The following ADGRL2 variants were observed in gnomAD, a reference collection of about 807,000 sequenced individuals.
ADGRL2 encodes calcium-independent alpha-latrotoxin receptor 2.
A neutral mutation model predicts 157.4 loss-of-function variants in ADGRL2; 44 were observed. That is an observed-to-expected ratio of 0.28 (90% CI 0.22 to 0.36). ADGRL2 has a LOEUF of 0.36. Among genes scored for constraint, ADGRL2 ranks in the 10% least tolerant of loss-of-function variants. The pLI is 1.00. For missense variants in ADGRL2, 1,510 were observed against 1,768.9 expected (o/e 0.85, Z 2.63); for synonymous variants, 585 against 624.7 (o/e 0.94, Z 0.95).
intron 4 of ADGRL2, among the ~76,000 whole-genome samples, chr1:81,941,522 C>A (rs866829731): frequency 3.3e-5 from 5 of 151,628 alleles, no homozygotes; most frequent in African/African-American, 1.2e-4. Context: ...TAAATTTGAT[C>A]TAAACTCCAA....
At chr1:81,879,185 C>T (rs1462088974) in intron 2 of ADGRL2, among the ~76,000 whole-genome samples, 1 of 151,948 alleles carries the variant, frequency 6.6e-6, no homozygotes, top group African/African-American at 2.4e-5. Flanking sequence ...AGAAATGCAA[C>T]ATATAAATGA....
In ADGRL2 at chr1:81,308,018, G is replaced by A. The variant is rs76864053; in HGVS notation, c.-302+1509G>A. 3.5e-3 allele frequency among the ~76,000 whole-genome samples: 535 copies of A among 151,960 alleles called. 5 individuals carry two copies. The highest frequency in any genetic ancestry group is 0.012 in the African/African-American group (501 of 41,430). On this transcript the variant is annotated intron_variant, in intron 1 of 24. Transcript: ENST00000370721. ...TTAACAGATAAATATGTTCTGCTTC[G>A]TGGCATTTTAGTGATCCTACTGGTA...
intron 6 of ADGRL2, among the ~76,000 whole-genome samples, chr1:81,947,952 C>T (rs1650412764): frequency 1.3e-5 from 2 of 152,108 alleles, no homozygotes; most frequent in Non-Finnish European, 2.9e-5. Flanking sequence ...GGCACAGTCG[C>T]TCATGCCTGT....
chr1:81,675,956 A>T (rs1044807868), intron 3 of ADGRL2, among the ~76,000 whole-genome samples: 1 of 152,132 alleles, frequency 6.6e-6, no homozygotes, highest in Non-Finnish European at 1.5e-5. Flanking sequence ...GATCAAATTT[A>T]TGGTTTGTTT....
At chr1:81,358,117 G>A (rs1663449234) in intron 1 of ADGRL2, among the ~76,000 whole-genome samples, 1 of 152,036 alleles carries the variant, frequency 6.6e-6, no homozygotes, top group African/African-American at 2.4e-5. Context: ...GTGAAAATTA[G>A]ACCTCTAATT....
chr1:81,410,614 C>T (rs1019814703), intron 1 of ADGRL2, among the ~76,000 whole-genome samples: 10 of 152,236 alleles, frequency 6.6e-5, no homozygotes, highest in African/African-American at 2.4e-4. Flanking sequence ...CAAGCCCTGG[C>T]CTTAGCTGTA....
intron 2 of ADGRL2, among the ~76,000 whole-genome samples, chr1:81,483,027 G>A (rs1341678304): frequency 1.3e-5 from 2 of 151,630 alleles, no homozygotes; most frequent in Admixed American, 1.3e-4. Flanking sequence ...TATTTAATTT[G>A]TTCCTAAACA....
At chr1:81,531,237 A>G (rs2079591253) in intron 2 of ADGRL2, among the ~76,000 whole-genome samples, 1 of 152,184 alleles carries the variant, frequency 6.6e-6, no homozygotes, top group Admixed American at 6.5e-5. Flanking sequence ...GCTGGTAGAA[A>G]AGGAGAATTA....
chr1:81,840,529 A>G (rs1213556979), intron 2 of ADGRL2, among the ~76,000 whole-genome samples: 1 of 152,126 alleles, frequency 6.6e-6, no homozygotes, highest in Non-Finnish European at 1.5e-5. Flanking sequence ...ACAGGGGCAA[A>G]TCACTAAGCA....
At chr1:81,391,334 A>T (rs1164303192) in intron 1 of ADGRL2, among the ~76,000 whole-genome samples, 2 of 152,308 alleles carry the variant, frequency 1.3e-5, no homozygotes, top group Non-Finnish European at 2.9e-5. Flanking sequence ...GTGCTGGCAT[A>T]GAAGAGCTGC....
chr1:81,661,169 A>T (rs1009279332), intron 3 of ADGRL2, among the ~76,000 whole-genome samples: 3 of 147,234 alleles, frequency 2.0e-5, no homozygotes, highest in Non-Finnish European at 4.5e-5. Flanking sequence ...TTAGGTGTTT[A>T]AAGTATTTCC....
chr1:81,606,139 A>G (rs143389796), intron 3 of ADGRL2, among the ~76,000 whole-genome samples: 120 of 152,248 alleles, frequency 7.9e-4, no homozygotes, highest in Non-Finnish European at 1.4e-3. Flanking sequence ...ACCTCTCCAA[A>G]TGCTCAAGCA....
chr1:81,502,178 A>G, intron 2 of ADGRL2: 2 of 1,593,612 alleles, frequency 1.3e-6, no homozygotes, highest in Admixed American at 3.6e-5. Flanking sequence ...CCAAGATCCC[A>G]GAGTGGCACC....
At chr1:81,467,265 C>T (rs917059235) in intron 2 of ADGRL2, among the ~76,000 whole-genome samples, 8 of 152,062 alleles carry the variant, frequency 5.3e-5, no homozygotes, top group Non-Finnish European at 8.8e-5. Flanking sequence ...AAATATCTTC[C>T]TTGTGGATGT....
chr1:81,345,432 C>A (rs1478527575), intron 1 of ADGRL2, among the ~76,000 whole-genome samples: 1 of 152,176 alleles, frequency 6.6e-6, no homozygotes, highest in Non-Finnish European at 1.5e-5. Flanking sequence ...TTTTGATAGC[C>A]ATGCATTCTG....
chr1:81,390,612 G>A (rs559032400), intron 1 of ADGRL2, among the ~76,000 whole-genome samples: 2 of 152,290 alleles, frequency 1.3e-5, no homozygotes, highest in Non-Finnish European at 1.5e-5. Flanking sequence ...TATTCTTCCA[G>A]AATTTTTCCA....
At chr1:81,914,006 A>C (rs1182599778) in intron 3 of ADGRL2, among the ~76,000 whole-genome samples, 1 of 152,062 alleles carries the variant, frequency 6.6e-6, no homozygotes, top group Non-Finnish European at 1.5e-5. Context: ...ACACACACAC[A>C]CACACACACA....
intron 2 of ADGRL2, among the ~76,000 whole-genome samples, chr1:81,480,595 A>G (rs10874247): frequency 0.97 from 147,427 of 152,280 alleles, 71,507 homozygotes; most frequent in East Asian, 1. Context: ...TGACCATATT[A>G]GGGAAAGGAA....
intron 2 of ADGRL2, among the ~76,000 whole-genome samples, chr1:81,767,703 C>G (rs2086186867): frequency 6.6e-6 from 1 of 151,746 alleles, no homozygotes; most frequent in Admixed American, 6.6e-5. Context: ...GAAACCCCAT[C>G]TCTATGAAAA....
Sources: gnomAD v4.1 joint callset for allele counts (sites outside exome capture counted in the v4.1 genomes callset) on GRCh38, gnomAD v4.1.1 for gene constraint, MANE v1.5 for transcripts, NCBI Gene and HGNC (gene_info 2026-07-23, HGNC 2026-07-21) for gene names.